The following PRKAR2A variants were observed in gnomAD, a reference collection of about 807,000 sequenced individuals.
PRKAR2A encodes protein kinase cAMP-dependent type II regulatory subunit alpha.
PRKAR2A carries 29 observed loss-of-function variants against 51.9 expected under a neutral mutation model. The ratio of observed to expected loss-of-function variants is 0.56; its 90% confidence interval spans 0.42 to 0.76. PRKAR2A has a LOEUF of 0.76. Ranked by LOEUF, PRKAR2A falls within the 30% of genes least tolerant of loss-of-function variation. The probability of loss-of-function intolerance (pLI) is 0.00; values close to 1 mark genes in which losing one functional copy is unlikely to be tolerated. For missense variants in PRKAR2A, 445 were observed against 512.1 expected (o/e 0.87, Z 1.26); for synonymous variants, 178 against 186.2 (o/e 0.96, Z 0.36).
chr3:48,786,475 A>G (rs2107299246), intron 4 of PRKAR2A, among the ~76,000 whole-genome samples: 1 of 150,122 alleles, frequency 6.7e-6, no homozygotes, highest in Admixed American at 6.6e-5. Flanking sequence ...CCTATGACTC[A>G]GTAATCTTCC....
At chr3:48,793,550 G>A (rs1394186761) in intron 3 of PRKAR2A, among the ~76,000 whole-genome samples, 1 of 152,284 alleles carries the variant, frequency 6.6e-6, no homozygotes, top group East Asian at 1.9e-4. Context: ...TGAGATTACA[G>A]GTGTGAGCCA....
At position 48,746,587 on chromosome 3, in the gene PRKAR2A, G is replaced by C. The variant is rs1292104858; in HGVS notation, c.*4998C>G. On this transcript the variant is annotated 3_prime_UTR_variant, in exon 11 of 11. Coordinates refer to ENST00000265563, the MANE Select transcript of PRKAR2A (RefSeq NM_004157.4). ...AAGACTGCACCAGAAAGTCAGACAT[G>C]ATTTGTCAGCCTTTATTAATCAAGA... is the stretch of plus-strand genomic sequence containing the variant. 1.3e-5 allele frequency: 2 copies of C among 152,104 alleles called. No individual in the cohort carries two copies. The highest frequency in any genetic ancestry group is 1.5e-5 in the Non-Finnish European group (1 of 68,024). The allele number at this position is 152,104 out of a possible 1,614,324, so 9.4% of individuals were successfully genotyped here. A position where few individuals can be genotyped will look rare whatever the true frequency, so the allele number is the denominator to read the frequency against.
chr3:48,835,668 G>A (rs2083272178), intron 1 of PRKAR2A, among the ~76,000 whole-genome samples: 1 of 150,164 alleles, frequency 6.7e-6, no homozygotes, highest in Admixed American at 6.7e-5. Context: ...AGCCAGGTGT[G>A]GTAGCTTATA....
chr3:48,761,887 T>TG (rs1444664267), intron 8 of PRKAR2A, among the ~76,000 whole-genome samples: 1 of 152,168 alleles, frequency 6.6e-6, no homozygotes, highest in Non-Finnish European at 1.5e-5. Flanking sequence ...CCTCCCAGAG[T>TG]GCTGGGATTA....
chr3:48,778,495 A>T (rs543636273), intron 5 of PRKAR2A, among the ~76,000 whole-genome samples: 8 of 151,552 alleles, frequency 5.3e-5, no homozygotes, highest in East Asian at 3.9e-4. Context: ...CAAATTTTTT[A>T]AAAAATGCTT....
intron 2 of PRKAR2A, among the ~76,000 whole-genome samples, chr3:48,804,791 T>TG (rs1553675362): frequency 6.6e-6 from 1 of 152,040 alleles, no homozygotes; most frequent in Non-Finnish European, 1.5e-5. Context: ...GGTCAAAGAA[T>TG]GGAAGGCCAG....
At chr3:48,846,935 CA>C (rs1179398552) in intron 1 of PRKAR2A, among the ~76,000 whole-genome samples, 2 of 151,944 alleles carry the variant, frequency 1.3e-5, no homozygotes, top group Non-Finnish European at 2.9e-5. Context: ...AGTAACTTTT[CA>C]AAAAAAATTA....
chr3:48,786,334 A>G (rs2082292457), intron 4 of PRKAR2A, among the ~76,000 whole-genome samples: 1 of 150,566 alleles, frequency 6.6e-6, no homozygotes. Context: ...CATGTTGCCC[A>G]GGCTGGTCCC....
chr3:48,819,859 T>C (rs2082933668), intron 1 of PRKAR2A, among the ~76,000 whole-genome samples: 1 of 152,194 alleles, frequency 6.6e-6, no homozygotes, highest in African/African-American at 2.4e-5. Flanking sequence ...CCACCTCCTG[T>C]GACACTACTC....
rs532496344 is a variant in PRKAR2A, at chr3:48,764,493, T to G, written c.873+511A>C. On this transcript the variant is annotated intron_variant, in intron 8 of 10. Transcript: ENST00000265563. ...ACAAACACTAGAAGCCAAGGAAAGG[T>G]GAGAGGAAGCAAGAGATCTGCACGT... Among the ~76,000 whole-genome samples, 8 of 151,886 alleles carry G rather than the reference T, an allele frequency of 5.3e-5. No homozygotes were observed. In the South Asian group the frequency reaches 1.7e-3, roughly 32 times the overall value.
intron 9 of PRKAR2A, among the ~76,000 whole-genome samples, chr3:48,754,765 C>T (rs547872174): frequency 6.6e-6 from 1 of 151,312 alleles, no homozygotes; most frequent in East Asian, 2.0e-4. Context: ...AAGAGCGACA[C>T]TCTAGCTTAA....
chr3:48,755,688 G>T (rs2107201689), intron 9 of PRKAR2A, among the ~76,000 whole-genome samples: 1 of 147,872 alleles, frequency 6.8e-6, no homozygotes, highest in Non-Finnish European at 1.5e-5. Context: ...GTTCACTGCA[G>T]CCTCAATCTC....
intron 1 of PRKAR2A, among the ~76,000 whole-genome samples, chr3:48,829,871 A>ATATTTT (rs1297832658): frequency 3.6e-4 from 32 of 87,726 alleles, no homozygotes; most frequent in African/African-American, 1.7e-3. Context: ...ATATATATAT[A>ATATTTT]TTTTTTTTTT....
chr3:48,790,604 T>C lies in PRKAR2A; in HGVS notation c.375A>G (p.Glu125=). ...AAGCTTCCTGAAGTCTGCATCTCTG[T>C]TCATCAGTTTTAGGATGAATCACCT... is the stretch of plus-strand genomic sequence containing the variant. ...DPRVIHPKTD[E]QRCRLQEACK... The change falls in exon 4 of 11, where the codon GAA becomes GAG. Residue 125 remains glutamate (E), a synonymous_variant. Coordinates refer to ENST00000265563, the MANE Select transcript of PRKAR2A (RefSeq NM_004157.4). 6.6e-7 allele frequency: 1 copy of C among 1,517,662 alleles called. No homozygotes were observed. Among genetic ancestry groups the C allele is most frequent in the Admixed American group, 2.1e-5 (1 of 47,304 alleles). 94.0% of individuals were successfully genotyped at this position (1,517,662 alleles called of 1,614,324 possible).
intron 1 of PRKAR2A, among the ~76,000 whole-genome samples, chr3:48,841,361 T>C (rs2083378257): frequency 6.6e-6 from 1 of 151,294 alleles, no homozygotes; most frequent in Non-Finnish European, 1.5e-5. Flanking sequence ...CTGGTCAATA[T>C]GGTGAAACAC....
intron 4 of PRKAR2A, among the ~76,000 whole-genome samples, chr3:48,789,924 TTTTC>T (rs1456523543): frequency 6.6e-6 from 1 of 151,804 alleles, no homozygotes; most frequent in Non-Finnish European, 1.5e-5. Flanking sequence ...TCTCCCTCTC[TTTTC>T]TTTCTTTTCT....
chr3:48,780,094 G>C (rs2082169687), intron 5 of PRKAR2A, among the ~76,000 whole-genome samples: 1 of 151,702 alleles, frequency 6.6e-6, no homozygotes. Flanking sequence ...GGGAGGCGGG[G>C]GTTGCAGTGA....
intron 1 of PRKAR2A, among the ~76,000 whole-genome samples, chr3:48,832,952 A>G (rs1265650201): frequency 6.6e-6 from 1 of 152,140 alleles, no homozygotes; most frequent in Admixed American, 6.6e-5. Context: ...AATACATCCA[A>G]TCTGACCTTG....
chr3:48,816,207 C>A (rs1048330308), intron 1 of PRKAR2A, among the ~76,000 whole-genome samples: 8 of 152,078 alleles, frequency 5.3e-5, no homozygotes, highest in African/African-American at 1.9e-4. Flanking sequence ...TTCTTCCAGG[C>A]AGTTCCTATA....
Sources: allele counts gnomAD v4.1 joint callset (sites outside exome capture counted in the v4.1 genomes callset), GRCh38; gene constraint gnomAD v4.1.1; transcripts MANE v1.5; gene names NCBI Gene and HGNC (gene_info 2026-07-23, HGNC 2026-07-21).